Variants in ADGRB3 observed in about 807,000 individuals in gnomAD.
ADGRB3 encodes the protein brain-specific angiogenesis inhibitor 3.
ADGRB3 carries 37 observed loss-of-function variants against 193.4 expected under a neutral mutation model. The observed-to-expected ratio is 0.19, with a 90% CI of 0.15 to 0.25. ADGRB3 has a LOEUF of 0.25. ADGRB3 is among the 10% of genes least tolerant of loss of function. ADGRB3 has a pLI of 1.00. For synonymous variants in ADGRB3, 690 were observed against 644.2 expected (o/e 1.07, Z -1.08); for missense variants, 1,637 against 1,852.9 (o/e 0.88, Z 2.14).
chr6:69,111,820 T>G (rs1561922313), intron 17 of ADGRB3, among the ~76,000 whole-genome samples: 3 of 152,140 alleles, frequency 2.0e-5, no homozygotes, highest in African/African-American at 7.2e-5. Context: ...ACCATCAGCT[T>G]AAAAAAACCC....
intron 17 of ADGRB3, among the ~76,000 whole-genome samples, chr6:69,183,599 C>A (rs1041731945): frequency 3.3e-5 from 5 of 152,074 alleles, no homozygotes; most frequent in African/African-American, 1.2e-4. Flanking sequence ...ATTCTCAGAA[C>A]ACATGGCCAG....
rs146888176 is a variant in ADGRB3, at chr6:68,965,107, A to C, written c.1525+8298A>C. 7.1e-3 allele frequency among the ~76,000 whole-genome samples: 1,089 copies of C among 152,334 alleles called. 13 individuals are homozygous for C. The highest frequency in any genetic ancestry group is 0.01 in the Non-Finnish European group (682 of 68,032). On this transcript the variant is annotated intron_variant, in intron 8 of 31. Transcript: ENST00000370598. Reference sequence around the variant, plus strand: ...AATTCTGTGAATTAAAATATATAACACAGTAAGAACAATAACTCATAATGT... The same window carrying C: ...AATTCTGTGAATTAAAATATATAACCCAGTAAGAACAATAACTCATAATGT...
At position 68,940,180 on chromosome 6, in the gene ADGRB3, A is replaced by G. The variant is rs181934497; in HGVS notation, c.1030+3500A>G. ...ACTCAAAGTAAAAAACAATGGACAT[A>G]AACAAAGAAAATTGAGAAAAATAGA... On this transcript the variant is annotated intron_variant, in intron 5 of 31. Transcript: ENST00000370598. Among the ~76,000 whole-genome samples, 420 of 152,316 alleles carry G rather than the reference A, an allele frequency of 2.8e-3. 3 individuals are homozygous for G. Among genetic ancestry groups the G allele is most frequent in the African/African-American group, 9.5e-3 (394 of 41,562 alleles).
intron 17 of ADGRB3, among the ~76,000 whole-genome samples, chr6:69,231,833 GTA>G (rs896785898): frequency 4.2e-4 from 64 of 152,008 alleles, no homozygotes; most frequent in Admixed American, 1.3e-4. Context: ...GTAATTAAGA[GTA>G]TATTAAGTCA....
chr6:68,858,872 T>C (rs1010949120), intron 3 of ADGRB3, among the ~76,000 whole-genome samples: 1 of 152,188 alleles, frequency 6.6e-6, no homozygotes, highest in African/African-American at 2.4e-5. Flanking sequence ...CCTGTAATGG[T>C]TGGGGCTGCT....
At chr6:69,197,350 T>C (rs1765322640) in intron 17 of ADGRB3, among the ~76,000 whole-genome samples, 1 of 152,092 alleles carries the variant, frequency 6.6e-6, no homozygotes, top group Non-Finnish European at 1.5e-5. Context: ...ATGTGTATTA[T>C]AGTAACAGGA....
rs150597480 is a variant in ADGRB3, at chr6:68,990,009, C to G, written c.1735-3759C>G. Among the ~76,000 whole-genome samples the G allele has an allele frequency of 5.9e-3, 898 of 151,708 alleles. 8 individuals are homozygous for G. The highest frequency in any genetic ancestry group is 0.02 in the African/African-American group (832 of 41,376). On this transcript the variant is annotated intron_variant, in intron 10 of 31. Coordinates refer to ENST00000370598, the MANE Select transcript of ADGRB3 (RefSeq NM_001704.3). ...ATGGGATTCAAAACCTTAGAAATAA[C>G]CATAGAATTAAACCATAGAGATGAC...
At chr6:68,990,805 A>G (rs1375550759) in intron 10 of ADGRB3, among the ~76,000 whole-genome samples, 1 of 152,216 alleles carries the variant, frequency 6.6e-6, no homozygotes, top group Non-Finnish European at 1.5e-5. Context: ...TGAGGCAGTC[A>G]GACATTAATT....
intron 3 of ADGRB3, among the ~76,000 whole-genome samples, chr6:68,789,147 C>T (rs1212025831): frequency 6.6e-6 from 1 of 151,914 alleles, no homozygotes; most frequent in Non-Finnish European, 1.5e-5. Flanking sequence ...GCATTTAGCC[C>T]ATTTACATTT....
intron 17 of ADGRB3, among the ~76,000 whole-genome samples, chr6:69,145,416 C>G (rs938102267): frequency 6.6e-6 from 1 of 152,186 alleles, no homozygotes; most frequent in African/African-American, 2.4e-5. Context: ...AACTGCAGAG[C>G]CCCCAAAGGG....
chr6:69,107,592 A>G (rs1439759009), intron 17 of ADGRB3, among the ~76,000 whole-genome samples: 1 of 152,188 alleles, frequency 6.6e-6, no homozygotes, highest in Non-Finnish European at 1.5e-5. Flanking sequence ...CTGAGTTAAA[A>G]AGTGGTAACC....
intron 17 of ADGRB3, among the ~76,000 whole-genome samples, chr6:69,133,386 A>G (rs1561929553): frequency 6.6e-6 from 1 of 152,116 alleles, no homozygotes. Flanking sequence ...CTTTGTAGCA[A>G]TCGTGAATGG....
chr6:68,691,524 G>T (rs775425127), intron 3 of ADGRB3, among the ~76,000 whole-genome samples: 130 of 152,042 alleles, frequency 8.6e-4, no homozygotes, highest in Non-Finnish European at 1.4e-3. Flanking sequence ...ATTGAAAATA[G>T]TGTATTTAAA....
chr6:69,233,058 G>T (rs1012195409), intron 17 of ADGRB3: 3 of 557,140 alleles, frequency 5.4e-6, no homozygotes, highest in African/African-American at 3.8e-5. Flanking sequence ...CACCTCCGGC[G>T]CTGGACAGCT....
In ADGRB3 at chr6:68,947,288, A is replaced by G. The variant is rs186622375; in HGVS notation, c.1195+3294A>G. The stretch of plus-strand genomic sequence containing the variant: ...TGTGGTCTGTTTTACTTATCTCACC[A>G]AAGTTCTGGTGGTCCAAACTATGTT... On this transcript the variant is annotated intron_variant, in intron 6 of 31. Coordinates refer to ENST00000370598, the MANE Select transcript of ADGRB3 (RefSeq NM_001704.3). 7.2e-5 allele frequency among the ~76,000 whole-genome samples: 11 copies of G among 152,194 alleles called. No individual in the cohort carries two copies. In the East Asian group the frequency reaches 1.9e-3, roughly 27 times the overall value.
intron 20 of ADGRB3, among the ~76,000 whole-genome samples, chr6:69,283,094 C>T (rs894902240): frequency 1.3e-5 from 2 of 152,154 alleles, no homozygotes; most frequent in African/African-American, 4.8e-5. Context: ...GTGGCTGCTC[C>T]AAGCTCAGGA....
At chr6:68,834,588 G>A (rs530875960) in intron 3 of ADGRB3, among the ~76,000 whole-genome samples, 1 of 152,126 alleles carries the variant, frequency 6.6e-6, no homozygotes, top group Middle Eastern at 3.2e-3. Context: ...TGAAGGATCA[G>A]AAATCTAGAA....
At chr6:69,275,623 C>A (rs1410912333) in intron 20 of ADGRB3, among the ~76,000 whole-genome samples, 1 of 151,536 alleles carries the variant, frequency 6.6e-6, no homozygotes, top group Non-Finnish European at 1.5e-5. Flanking sequence ...AAAAAAGTCT[C>A]CTATAAAATA....
intron 8 of ADGRB3, among the ~76,000 whole-genome samples, chr6:68,971,150 A>G (rs1305933056): frequency 1.3e-5 from 2 of 150,484 alleles, no homozygotes; most frequent in Non-Finnish European, 2.9e-5. Flanking sequence ...ATCTCTGTGG[A>G]TTGAACCAAC....
Sources: allele counts gnomAD v4.1 joint callset (sites outside exome capture counted in the v4.1 genomes callset), GRCh38; gene constraint gnomAD v4.1.1; transcripts MANE v1.5; gene names NCBI Gene and HGNC (gene_info 2026-07-23, HGNC 2026-07-21).